LTBP1: variants seen among roughly 807,000 people sequenced by gnomAD.
The protein encoded by LTBP1 is latent transforming growth factor beta binding protein 1.
Under a neutral mutation model 207.6 loss-of-function variants are expected in LTBP1, and 129 were observed. That is an observed-to-expected ratio of 0.62 (90% confidence interval 0.54 to 0.72). The LOEUF is 0.72. Among genes scored for constraint, LTBP1 ranks in the 30% least tolerant of loss-of-function variants. LTBP1 has a pLI of 0.00. For missense variants in LTBP1, 2,281 were observed against 2,217.2 expected (o/e 1.03, Z -0.58); for synonymous variants, 963 against 833.7 (o/e 1.16, Z -2.67).
At chr2:33,239,655 G>A (rs1407626568) in intron 9 of LTBP1, among the ~76,000 whole-genome samples, 3 of 151,904 alleles carry the variant, frequency 2.0e-5, no homozygotes, top group Non-Finnish European at 4.4e-5. Context: ...CACTTTGGGA[G>A]GCCGAGGTGG....
In LTBP1 at chr2:33,382,111, T is replaced by TTTTTTTTTTTTTTTTTG. The variant is rs1553316521; in HGVS notation, c.4712-7072_4712-7071insTTTTTTTTTTTTTTTGT. On this transcript the variant is annotated intron_variant, in intron 31 of 33. Transcript: ENST00000404816. Reference sequence around the variant, plus strand: ...TTTTTTTTTTTTTTTTTTTTTTTTTTTGAGACAGAGTCTCGCTCTGTTGCC... The same window carrying TTTTTTTTTTTTTTTTTG: ...TTTTTTTTTTTTTTTTTTTTTTTTTTTTTTTTTTTTTTTTTTGTGAGACAGAGTCTCGCTCTGTTGCC... 1.4e-4 allele frequency among the ~76,000 whole-genome samples: 14 copies of TTTTTTTTTTTTTTTTTG among 103,622 alleles called. 5 individuals carry two copies. Among genetic ancestry groups the TTTTTTTTTTTTTTTTTG allele is most frequent in the African/African-American group, 6.8e-4 (14 of 20,638 alleles). 68.0% of individuals were successfully genotyped at this position (103,622 alleles called of 152,430 possible).
chr2:33,142,137 C>G (rs537111710), intron 5 of LTBP1, among the ~76,000 whole-genome samples: 1 of 152,036 alleles, frequency 6.6e-6, no homozygotes, highest in African/African-American at 2.4e-5. Context: ...CTGCAAGCTC[C>G]GCCTCCCGGG....
At chr2:33,396,677 G>A (rs993483347) in intron 32 of LTBP1, among the ~76,000 whole-genome samples, 3 of 152,158 alleles carry the variant, frequency 2.0e-5, no homozygotes, top group African/African-American at 7.2e-5. Flanking sequence ...CTTCTCTCTG[G>A]TCTTACAAAC....
intron 18 of LTBP1, among the ~76,000 whole-genome samples, chr2:33,277,827 T>TCTCTCTCTCTCTCTCTCTCTC (rs2093475335): frequency 1.2e-5 from 1 of 80,872 alleles, no homozygotes; most frequent in Admixed American, 1.4e-4. Flanking sequence ...CTTTCTTTCT[T>TCTCTCTCTCTCTCTCTCTCTC]TCTTTTTTTT....
At chr2:33,188,892 G>A (rs760128392) in intron 7 of LTBP1, 41 bp downstream of exon 7, 1 of 1,568,504 alleles carries the variant, frequency 6.4e-7, no homozygotes, top group African/African-American at 1.4e-5. Flanking sequence ...GTGTCTTACA[G>A]ATATGGTATC....
At chr2:33,245,171 T>A (rs974828730) in intron 10 of LTBP1, among the ~76,000 whole-genome samples, 2 of 152,196 alleles carry the variant, frequency 1.3e-5, no homozygotes, top group Non-Finnish European at 2.9e-5. Flanking sequence ...TGAGCCACCA[T>A]GCCCGGCCAC....
At chr2:32,959,620 T>TTTC (rs1678741936) in intron 2 of LTBP1, among the ~76,000 whole-genome samples, 1 of 43,418 alleles carries the variant, frequency 2.3e-5, no homozygotes, top group Non-Finnish European at 5.1e-5. Context: ...TATATATATA[T>TTTC]ATTTTTTTTT....
chr2:33,342,908 C>G lies in LTBP1; in HGVS notation c.3801C>G (p.Phe1267Leu). 1.9e-6 allele frequency: 3 copies of G among 1,614,098 alleles called. No homozygotes were observed. Among genetic ancestry groups the G allele is most frequent in the Admixed American group, 1.7e-5 (1 of 60,034 alleles). ...HGFCDNTAGS[F>L]RCLCYQGFQA... ...TTTGTGACAATACAGCTGGCTCCTT[C>G]CGCTGCCTCTGTTATCAGGGCTTTC... The change falls in exon 25 of 34, where the codon TTC becomes TTG. Residue 1267 changes from phenylalanine (F) to leucine (L), a missense_variant. Phe to Leu is a conservative substitution (Grantham distance 22, BLOSUM62 0). Coordinates refer to ENST00000404816, the MANE Select transcript of LTBP1 (RefSeq NM_206943.4).
intron 7 of LTBP1, among the ~76,000 whole-genome samples, chr2:33,198,712 G>A (rs1328769124): frequency 6.6e-6 from 1 of 152,124 alleles, no homozygotes; most frequent in Admixed American, 6.5e-5. Context: ...TTCTCTGATG[G>A]TAGTTTGTAT....
At chr2:33,162,208 A>T (rs997575939) in intron 5 of LTBP1, among the ~76,000 whole-genome samples, 68 of 152,180 alleles carry the variant, frequency 4.5e-4, no homozygotes, top group Admixed American at 4.3e-3. Flanking sequence ...AAAATTTTGC[A>T]TGTTTATTTA....
chr2:33,128,777 T>C (rs2081591305), intron 4 of LTBP1, among the ~76,000 whole-genome samples: 1 of 152,198 alleles, frequency 6.6e-6, no homozygotes. Flanking sequence ...AATTAGGAGA[T>C]TGGGTACATT....
intron 5 of LTBP1, among the ~76,000 whole-genome samples, chr2:33,151,708 A>G (rs2083538038): frequency 6.6e-6 from 1 of 152,112 alleles, no homozygotes; most frequent in Non-Finnish European, 1.5e-5. Context: ...GTGAAAACAT[A>G]CGATGTTTGG....
rs143153323 is a variant in LTBP1, at chr2:33,242,269, C to G, written c.1877-1393C>G. On this transcript the variant is annotated intron_variant, in intron 9 of 33. Coordinates refer to ENST00000404816, the MANE Select transcript of LTBP1 (RefSeq NM_206943.4). ...TAGTAATGTTTTGCTACCATTGTAT[C>G]CAACTTTTTGATTTTCAATTAATTA... Among the ~76,000 whole-genome samples, 160 of 152,200 alleles carry G rather than the reference C, an allele frequency of 1.1e-3. 1 individual carries two copies. Among genetic ancestry groups the G allele is most frequent in the African/African-American group, 3.3e-3 (139 of 41,538 alleles).
At chr2:32,996,841 A>G (rs570341711) in intron 2 of LTBP1, among the ~76,000 whole-genome samples, 5 of 152,242 alleles carry the variant, frequency 3.3e-5, no homozygotes, top group African/African-American at 1.2e-4. Flanking sequence ...ACTGTGCCAC[A>G]CTGCCTCCCG....
At chr2:33,045,341 G>A (rs1248399674) in intron 3 of LTBP1, among the ~76,000 whole-genome samples, 1 of 152,198 alleles carries the variant, frequency 6.6e-6, no homozygotes, top group Non-Finnish European at 1.5e-5. Context: ...TGGCTAGCCA[G>A]TTTTCCCAAC....
chr2:33,034,825 C>T (rs2075843332), intron 3 of LTBP1, among the ~76,000 whole-genome samples: 1 of 152,050 alleles, frequency 6.6e-6, no homozygotes, highest in African/African-American at 2.4e-5. Context: ...TGGAAATATC[C>T]ATGCCAATCA....
intron 20 of LTBP1, among the ~76,000 whole-genome samples, chr2:33,298,295 C>T (rs928216578): frequency 6.6e-6 from 1 of 152,180 alleles, no homozygotes; most frequent in African/African-American, 2.4e-5. Flanking sequence ...GTGTATGTGT[C>T]ATTACTTGTC....
intron 26 of LTBP1, among the ~76,000 whole-genome samples, chr2:33,353,526 T>C (rs2094811632): frequency 6.6e-6 from 1 of 152,180 alleles, no homozygotes; most frequent in South Asian, 2.1e-4. Context: ...TTGAATAAAT[T>C]GCCTCTCCAC....
chr2:33,073,306 C>A (rs1373149180), intron 3 of LTBP1, among the ~76,000 whole-genome samples: 1 of 149,298 alleles, frequency 6.7e-6, no homozygotes, highest in Non-Finnish European at 1.5e-5. Context: ...TTTTATTTTA[C>A]CATGTACATA....
Sources: allele counts gnomAD v4.1 joint callset (sites outside exome capture counted in the v4.1 genomes callset), GRCh38; gene constraint gnomAD v4.1.1; transcripts MANE v1.5; gene names NCBI Gene and HGNC (gene_info 2026-07-23, HGNC 2026-07-21).